Variants in CADM2 observed in about 807,000 individuals in gnomAD.
CADM2 encodes the protein immunoglobulin superfamily member 4D.
In CADM2, 12 loss-of-function variants were observed where a neutral mutation model predicts 49.8. That is an observed-to-expected ratio of 0.24 (90% confidence interval 0.15 to 0.39). CADM2 has a LOEUF of 0.39. Among genes scored for constraint, CADM2 ranks in the 10% least tolerant of loss-of-function variants. CADM2 has a pLI of 1.00. For missense variants in CADM2, 378 were observed against 492.3 expected (o/e 0.77, Z 2.20); for synonymous variants, 214 against 175.4 (o/e 1.22, Z -1.74).
intron 1 of CADM2, among the ~76,000 whole-genome samples, chr3:85,018,958 C>A (rs2034378381): frequency 6.6e-6 from 1 of 151,996 alleles, no homozygotes; most frequent in African/African-American, 2.4e-5. Flanking sequence ...GATCAGCCAG[C>A]AGATGAAAGG....
At chr3:85,539,367 T>C (rs554903597) in intron 1 of CADM2, among the ~76,000 whole-genome samples, 4 of 152,252 alleles carry the variant, frequency 2.6e-5, no homozygotes, top group East Asian at 3.9e-4. Flanking sequence ...ATTATTGTCA[T>C]GAACTACTTC....
At chr3:85,246,300 G>T (rs1283502066) in intron 1 of CADM2, among the ~76,000 whole-genome samples, 6 of 152,040 alleles carry the variant, frequency 3.9e-5, no homozygotes, top group Admixed American at 3.9e-4. Flanking sequence ...CTGTTGTGGG[G>T]TGGGGGAAGG....
chr3:86,059,864 T>A (rs1578088753), intron 8 of CADM2, among the ~76,000 whole-genome samples: 2 of 152,258 alleles, frequency 1.3e-5, no homozygotes, highest in South Asian at 4.1e-4. Context: ...GGCTCTTAGT[T>A]CTAACAGTTA....
At chr3:85,824,012 G>C (rs1464640528) in intron 3 of CADM2, among the ~76,000 whole-genome samples, 1 of 152,100 alleles carries the variant, frequency 6.6e-6, no homozygotes, top group Non-Finnish European at 1.5e-5. Flanking sequence ...GACAGAACAA[G>C]TTACTACAGT....
intron 1 of CADM2, among the ~76,000 whole-genome samples, chr3:85,606,901 G>T (rs1256730874): frequency 2.0e-5 from 3 of 152,002 alleles, no homozygotes; most frequent in Admixed American, 6.6e-5. Flanking sequence ...GGTCTTCAGG[G>T]TATTATTTTC....
At chr3:85,962,194 C>A (rs1008360231) in intron 8 of CADM2, among the ~76,000 whole-genome samples, 1 of 151,988 alleles carries the variant, frequency 6.6e-6, no homozygotes, top group Non-Finnish European at 1.5e-5. Flanking sequence ...GCTGGAATTA[C>A]AGGTGTGAGC....
At chr3:86,012,604 G>T (rs1337678781) in intron 8 of CADM2, 4 of 1,578,196 alleles carry the variant, frequency 2.5e-6, no homozygotes, top group African/African-American at 2.7e-5. Flanking sequence ...CGAAGCGCAC[G>T]CAGTCCGACC....
At chr3:85,584,462 T>A (rs1015892241) in intron 1 of CADM2, among the ~76,000 whole-genome samples, 7 of 152,082 alleles carry the variant, frequency 4.6e-5, no homozygotes, top group African/African-American at 1.7e-4. Flanking sequence ...AAGACTTAAC[T>A]ACTTGGTTTT....
chr3:85,895,795 A>G (rs1715140943), intron 5 of CADM2, among the ~76,000 whole-genome samples: 1 of 152,176 alleles, frequency 6.6e-6, no homozygotes, highest in Non-Finnish European at 1.5e-5. Flanking sequence ...GCCTGCTGCC[A>G]TGGAAGACAT....
chr3:84,987,611 A>T (rs1006277486), intron 1 of CADM2, among the ~76,000 whole-genome samples: 3 of 152,104 alleles, frequency 2.0e-5, no homozygotes, highest in African/African-American at 7.2e-5. Context: ...TTCAAATTTG[A>T]TAGGCCTTCA....
intron 1 of CADM2, among the ~76,000 whole-genome samples, chr3:85,104,387 G>C (rs1215423137): frequency 3.9e-5 from 6 of 151,972 alleles, no homozygotes; most frequent in Non-Finnish European, 8.8e-5. Flanking sequence ...TGAGGGCTCT[G>C]TTCTGTTCCA....
intron 1 of CADM2, among the ~76,000 whole-genome samples, chr3:85,002,851 T>C (rs2107221664): frequency 6.6e-6 from 1 of 152,252 alleles, no homozygotes. Context: ...TATGGTGTGA[T>C]CACAGCTCAC....
chr3:85,059,042 A>T (rs2036200092), intron 1 of CADM2, among the ~76,000 whole-genome samples: 1 of 151,950 alleles, frequency 6.6e-6, no homozygotes, highest in African/African-American at 2.4e-5. Flanking sequence ...GATTGACACC[A>T]TCCTGCCTAA....
intron 6 of CADM2, among the ~76,000 whole-genome samples, chr3:85,915,523 A>C (rs201187878): frequency 1.3e-3 from 200 of 152,270 alleles, no homozygotes; most frequent in Non-Finnish European, 2.2e-3. Context: ...GTCAGCATCA[A>C]TATTAGAGCA....
chr3:85,835,582 G>C (rs1473037616), intron 3 of CADM2, among the ~76,000 whole-genome samples: 1 of 150,304 alleles, frequency 6.7e-6, no homozygotes, highest in African/African-American at 2.4e-5. Flanking sequence ...TTTATTTTTG[G>C]TGTTTTTCCT....
At chr3:85,133,503 A>G (rs1275128297) in intron 1 of CADM2, among the ~76,000 whole-genome samples, 5 of 152,158 alleles carry the variant, frequency 3.3e-5, no homozygotes, top group Middle Eastern at 3.4e-3. Context: ...ACCCTGAGCT[A>G]GACACAGGGT....
chr3:85,708,967 T>C (rs2067032822), intron 1 of CADM2, among the ~76,000 whole-genome samples: 1 of 152,084 alleles, frequency 6.6e-6, no homozygotes. Flanking sequence ...CTCTCTAGGC[T>C]TTTGCCTGAT....
chr3:85,131,138 C>T (rs575368544), intron 1 of CADM2, among the ~76,000 whole-genome samples: 2 of 152,064 alleles, frequency 1.3e-5, no homozygotes, highest in African/African-American at 4.8e-5. Context: ...AAGATCGTGC[C>T]ATTGCACTCC....
At chr3:85,670,306 A>G (rs2065698909) in intron 1 of CADM2, among the ~76,000 whole-genome samples, 1 of 152,210 alleles carries the variant, frequency 6.6e-6, no homozygotes, top group South Asian at 2.1e-4. Flanking sequence ...CTAAGTAGAA[A>G]CAAATAATAC....
Sources: allele counts gnomAD v4.1 joint callset (sites outside exome capture counted in the v4.1 genomes callset), GRCh38; gene constraint gnomAD v4.1.1; transcripts MANE v1.5; gene names NCBI Gene and HGNC (gene_info 2026-07-23, HGNC 2026-07-21).